The following IGSF1 variants were observed in gnomAD, a reference collection of about 807,000 sequenced individuals.
The protein encoded by IGSF1 is immunoglobulin-like domain-containing protein 1.
Under a neutral mutation model 95.3 loss-of-function variants are expected in IGSF1, and 40 were observed. That is an observed-to-expected ratio of 0.42 (90% CI 0.33 to 0.55). The LOEUF is 0.55. Among genes scored for constraint, IGSF1 ranks in the 20% least tolerant of loss-of-function variants. The probability of loss-of-function intolerance (pLI) is 0.10; values close to 1 mark genes in which losing one functional copy is unlikely to be tolerated. For synonymous variants in IGSF1, 372 were observed against 382.9 expected (o/e 0.97, Z 0.33); for missense variants, 906 against 1,025.4 (o/e 0.88, Z 1.59).
At chrX:131,276,787 G>A in intron 14 of IGSF1, 152 bp downstream of exon 14, 1 of 499,638 alleles carries the variant, frequency 2.0e-6, no homozygotes, top group Non-Finnish European at 3.4e-6. Context: ...ATGAGCAGCT[G>A]TGCATCATGG....
At position 131,283,246 on chromosome X, in the gene IGSF1, G is replaced by T. The variant is rs776274590; in HGVS notation, c.686C>A (p.Thr229Asn). 1.7e-6 allele frequency: 2 copies of T among 1,208,688 alleles called. No individual in the cohort carries two copies. Among genetic ancestry groups the T allele is most frequent in the Non-Finnish European group, 2.2e-6 (2 of 893,163 alleles). Reference protein sequence around the residue: ...LVVAGLYPKPTLTAHPGPIMA... With the variant: ...LVVAGLYPKPNLTAHPGPIMA... The stretch of plus-strand genomic sequence containing the variant: ...GATGGGCCCAGGATGGGCTGTCAAA[G>T]TTGGTTTGGGGTAGAGTCCTACAAA... Residue 229 changes from threonine (T) to asparagine (N), a missense_variant, in exon 6 of 20, where the codon ACT becomes AAT. Coordinates refer to ENST00000361420, the MANE Select transcript of IGSF1 (RefSeq NM_001555.5).
Position 131,279,302 on chromosome X carries a change from C to T in IGSF1, c.1686G>A (p.Met562Ile). 1.7e-6 allele frequency: 2 copies of T among 1,211,177 alleles called. No homozygotes were observed. Among genetic ancestry groups the T allele is most frequent in the Non-Finnish European group, 2.2e-6 (2 of 895,112 alleles). ...AGAGAAGGGCCGTGACTATGAAGAGCATGGTGACCCCTTGAGCTGTTCCCA... is the reference window on the plus strand; with the variant it reads ...AGAGAAGGGCCGTGACTATGAAGAGTATGGTGACCCCTTGAGCTGTTCCCA... ...WLLGTAQGVT[M>I]LFIVTALLCC... Residue 562 changes from methionine (M) to isoleucine (I), a missense_variant, in exon 10 of 20, where the codon ATG (methionine) becomes ATA (isoleucine). Met to Ile is a conservative substitution (Grantham distance 10, BLOSUM62 1). Coordinates refer to ENST00000361420, the MANE Select transcript of IGSF1 (RefSeq NM_001555.5).
chrX:131,280,284 G>A (rs894353806), intron 9 of IGSF1, among the ~76,000 whole-genome samples: 1 of 111,457 alleles, frequency 9.0e-6, no homozygotes, highest in African/African-American at 3.3e-5. Context: ...TTTGCAGAAG[G>A]CTTAGGTGGC....
rs1349561128 is a variant in IGSF1 at position 131,277,924 on chromosome X, C to A, written c.2252G>T (p.Arg751Leu). 1.7e-6 allele frequency: 2 copies of A among 1,210,288 alleles called. No individual in the cohort carries two copies. Among genetic ancestry groups the A allele is most frequent in the Non-Finnish European group, 2.2e-6 (2 of 894,852 alleles). ...EDKDEGNYSC[R>L]THTEKRPFKW... Reference sequence around the variant, plus strand: ...GAAGGGGCGTTTTTCAGTGTGAGTGCGGCAGCTGTAATTGCCTTCGTCTTT... The same window carrying A: ...GAAGGGGCGTTTTTCAGTGTGAGTGAGGCAGCTGTAATTGCCTTCGTCTTT... Residue 751 changes from arginine to leucine, a missense_variant, in exon 13 of 20, where the codon CGC (arginine) becomes CTC (leucine). Arg to Leu is a moderately radical substitution (Grantham distance 102). Transcript: ENST00000361420.
chrX:131,275,391 C>T lies in IGSF1; in HGVS notation c.3184+87G>A, dbSNP rs756586844. 2.7e-5 allele frequency: 31 copies of T among 1,135,979 alleles called. No individual in the cohort carries two copies. The East Asian group carries it at 5.7e-4, about 21-fold the overall frequency. The allele number at this position is 1,135,979 out of a possible 1,213,427, so 93.6% of individuals were successfully genotyped here. On this transcript the variant is annotated intron_variant, in intron 16 of 19. Transcript: ENST00000361420. ...GGAAAGGCAATTGGTTGCCTCTCCT[C>T]GAGCTCTCTGAAAACTATCTCCCAT... is the stretch of plus-strand genomic sequence containing the variant.
chrX:131,285,824 A>G lies in IGSF1; in HGVS notation c.322T>C (p.Tyr108His). 8.3e-7 allele frequency: 1 copy of G among 1,211,054 alleles called. No individual in the cohort carries two copies. The highest frequency in any genetic ancestry group is 2.3e-4 in the Middle Eastern group (1 of 4,354). Residue 108 changes from tyrosine (Y) to histidine (H), a missense_variant, in exon 4 of 20, where the codon TAC (tyrosine) becomes CAC (histidine). Transcript: ENST00000361420. Reference protein sequence around the residue: ...ESNAGLYRCCYWKETGWSKPS... With the variant: ...ESNAGLYRCCHWKETGWSKPS... ...TTTGACCAGCCTGTCTCCTTCCAGT[A>G]GCAGCACCGGTAAAGACCTGCATTG...
At position 131,274,374 on chromosome X, in the gene IGSF1, C is replaced by CA. The variant is rs755602030; in HGVS notation, c.3752-169dup. On this transcript the variant is annotated intron_variant, in intron 18 of 19. Transcript: ENST00000361420. ...GGCAGAGTTTATGCTGAAGCAGAAG[C>CA]AGCCCTCCTTTCCTTGGGGAAAAGA... 4.5e-5 allele frequency among the ~76,000 whole-genome samples: 5 copies of CA among 112,022 alleles called. 1 individual carries two copies. The highest frequency in any genetic ancestry group is 1.9e-5 in the Non-Finnish European group (1 of 53,108).
Position 131,275,225 on chromosome X carries a change from A to G in IGSF1, c.3246T>C (p.Asn1082=), listed in dbSNP as rs1316148152. ...GTTCCCCTTGACACTGAAGAGTCAT[A>G]TTTTCGCCAGGGGCCACCATGGGAC... ...QPGPMVAPGE[N]MTLQCQGELP... is the part of the protein sequence containing the mutation. Residue 1082 remains asparagine, a synonymous_variant, in exon 17 of 20, where the codon AAT becomes AAC. Transcript: ENST00000361420. 1 of 1,210,859 alleles carries G rather than the reference A, an allele frequency of 8.3e-7. No individual in the cohort carries two copies. The highest frequency in any genetic ancestry group is 1.1e-6 in the Non-Finnish European group (1 of 894,995).
chrX:131,279,116 T>G (rs752182630), intron 11 of IGSF1, 27 bp downstream of exon 11: 7 of 1,175,537 alleles, frequency 6.0e-6, no homozygotes, highest in Non-Finnish European at 8.1e-6. Flanking sequence ...GGGAGGAATG[T>G]CCCAGTCTGG....
At position 131,281,478 on chromosome X, in the gene IGSF1, G is replaced by A. The variant is rs373099814; in HGVS notation, c.1526-140C>T. The A allele has an allele frequency of 4.5e-6, 4 of 886,716 alleles. No individual in the cohort carries two copies. In the East Asian group the frequency reaches 9.3e-5, roughly 21 times the overall value. The allele number at this position is 886,716 out of a possible 1,213,427, so 73.1% of individuals were successfully genotyped here. ...CAGAAGTGGCCTTCTTTTTCATGGA[G>A]AATGGGAGCCTTGAAATTATCCTGC... is the stretch of plus-strand genomic sequence containing the variant. On this transcript the variant is annotated intron_variant, in intron 8 of 19. Coordinates refer to ENST00000361420, the MANE Select transcript of IGSF1 (RefSeq NM_001555.5).
Position 131,276,001 on chromosome X carries a change from C to T in IGSF1, c.2856G>A (p.Arg952=). The change falls in exon 15 of 20, where the codon AGG becomes AGA. Residue 952 remains arginine (R), a synonymous_variant. Coordinates refer to ENST00000361420, the MANE Select transcript of IGSF1 (RefSeq NM_001555.5). ...TAAGGGGCATACTGAGATATGACCC[C>T]CTGTTTGACATGGTTGTCTCATAGT... ...CIYYETTMSN[R]GSYLSMPLMI... The T allele has an allele frequency of 8.3e-7, 1 of 1,210,923 alleles. No homozygotes were observed. The highest frequency in any genetic ancestry group is 1.1e-6 in the Non-Finnish European group (1 of 894,800).
chrX:131,278,615 G>C lies in IGSF1; in HGVS notation c.1887C>G (p.Thr629=). The C allele has an allele frequency of 8.3e-7, 1 of 1,211,514 alleles. No homozygotes were observed. Among genetic ancestry groups the C allele is most frequent in the Non-Finnish European group, 1.1e-6 (1 of 895,312 alleles). The change falls in exon 12 of 20, where the codon ACC becomes ACG. Residue 629 remains threonine (T), a synonymous_variant. Coordinates refer to ENST00000361420, the MANE Select transcript of IGSF1 (RefSeq NM_001555.5). ...TKEFVLLKDG[T]GWIATRPASE... The stretch of plus-strand genomic sequence containing the variant: ...AGGCCGGGCGAGTGGCGATCCACCC[G>C]GTCCCATCCTTCAGCAACACAAACT...
chrX:131,275,480 G>A lies in IGSF1; in HGVS notation c.3182C>T (p.Thr1061Ile), dbSNP rs776847089. The change falls in exon 16 of 20, where the codon ACA (threonine) becomes ATA (isoleucine). Residue 1061 changes from threonine (T) to isoleucine (I), a missense_variant and splice_region_variant. Thr to Ile is a moderately conservative substitution (Grantham distance 89). This residue lies in a region of IGSF1 where 411 missense variants were observed against 494.9 expected (regional missense o/e 0.83). Coordinates refer to ENST00000361420, the MANE Select transcript of IGSF1 (RefSeq NM_001555.5). ...QPSNTLELLV[T>I]GLLPKPSLLA... Reference sequence around the variant, plus strand: ...ACTCGACAGCCTCTTCCCCTTACCTGTGACTAGGAGTTCCAGGGTGTTGCT... The same window carrying A: ...ACTCGACAGCCTCTTCCCCTTACCTATGACTAGGAGTTCCAGGGTGTTGCT... The A allele has an allele frequency of 8.3e-7, 1 of 1,208,684 alleles. No homozygotes were observed. Among genetic ancestry groups the A allele is most frequent in the South Asian group, 1.8e-5 (1 of 56,724 alleles).
At chrX:131,280,424 G>A (rs746679825) in intron 9 of IGSF1, among the ~76,000 whole-genome samples, 4 of 111,456 alleles carry the variant, frequency 3.6e-5, no homozygotes, top group South Asian at 3.8e-4. Context: ...AGGGCGGGGG[G>A]TACAGCCAGA....
At position 131,281,199 on chromosome X, in the gene IGSF1, G is replaced by T. The variant is rs1264462340; in HGVS notation, c.1646+19C>A. The T allele has an allele frequency of 3.3e-6, 4 of 1,207,291 alleles. No individual in the cohort carries two copies. The highest frequency in any genetic ancestry group is 4.5e-6 in the Non-Finnish European group (4 of 893,648). On this transcript the variant is annotated intron_variant, in intron 9 of 19. Coordinates refer to ENST00000361420, the MANE Select transcript of IGSF1 (RefSeq NM_001555.5). ...ACTCTGTTAGGTTGGGGAACAGGGGGCTGGGACAAGACAGTTACCTGATTC... is the reference window on the plus strand; with the variant it reads ...ACTCTGTTAGGTTGGGGAACAGGGGTCTGGGACAAGACAGTTACCTGATTC...
In IGSF1 at chrX:131,282,482, C is replaced by T. The variant is rs771966629; in HGVS notation, c.1208G>A (p.Arg403Lys). The part of the protein sequence containing the change: ...HYLLTWKTSI[R>K]MPSHNTVELM... The stretch of plus-strand genomic sequence containing the variant: ...CTCCACAGTGTTGTGTGATGGCATC[C>T]TAATGGAGGTCTTCCAGGTGAGAAG... The change falls in exon 7 of 20, where the codon AGG becomes AAG. Residue 403 changes from arginine to lysine, a missense_variant. Physicochemically the swap from Arg to Lys is conservative, Grantham distance 26. Around this residue, in one of 5 missense-constraint regions of IGSF1, gnomAD observed 442 missense variants for 448.1 expected, o/e 0.99. Transcript: ENST00000361420. 46 of 1,207,491 alleles carry T rather than the reference C, an allele frequency of 3.8e-5. No individual in the cohort carries two copies. In the South Asian group the frequency reaches 7.4e-4, roughly 19 times the overall value.
intron 18 of IGSF1, 149 bp from the exon 19 acceptor site, chrX:131,274,355 G>A (rs1229678969): frequency 3.0e-5 from 24 of 796,506 alleles, no homozygotes; most frequent in East Asian, 2.6e-4. Flanking sequence ...CAGTGGCAGA[G>A]TTTATGCTGA....
rs1271508574 is a variant in IGSF1, at chrX:131,278,309, C to T, written c.2041+152G>A. 7.5e-6 allele frequency: 5 copies of T among 670,605 alleles called. No individual in the cohort carries two copies. The African/African-American group carries it at 1.1e-4, about 15-fold the overall frequency. 55.3% of individuals were successfully genotyped at this position (670,605 alleles called of 1,213,427 possible). A position where few individuals can be genotyped will look rare whatever the true frequency, so the allele number is the denominator to read the frequency against. On this transcript the variant is annotated intron_variant, in intron 12 of 19. Coordinates refer to ENST00000361420, the MANE Select transcript of IGSF1 (RefSeq NM_001555.5). Reference sequence around the variant, plus strand: ...CCGCCCCTCCCCCTACCCCATAACCCCCTACCATTTCAGTGCCCCTCCTCT... The same window carrying T: ...CCGCCCCTCCCCCTACCCCATAACCTCCTACCATTTCAGTGCCCCTCCTCT...
At chrX:131,282,873 T>C in intron 6 of IGSF1, 107 bp downstream of exon 6, 1 of 932,163 alleles carries the variant, frequency 1.1e-6, no homozygotes, top group Non-Finnish European at 1.5e-6. Flanking sequence ...TTCTGCTCCC[T>C]TCTCTACTGT....
Sources: gnomAD v4.1 joint callset for allele counts (sites outside exome capture counted in the v4.1 genomes callset) on GRCh38, gnomAD v4.1.1 for gene constraint, gnomAD v4.1.1 regional missense constraint, MANE v1.5 for transcripts, NCBI Gene and HGNC (gene_info 2026-07-23, HGNC 2026-07-21) for gene names.